AUTS2: variants seen among roughly 807,000 people sequenced by gnomAD.
AUTS2 encodes autism susceptibility gene 2 protein.
A neutral mutation model predicts 112.4 loss-of-function variants in AUTS2; 17 were observed. That is an observed-to-expected ratio of 0.15 (90% CI 0.10 to 0.23). The LOEUF is 0.23. AUTS2 is among the 10% of genes least tolerant of loss of function. AUTS2 has a pLI of 1.00. For synonymous variants in AUTS2, 751 were observed against 702.7 expected (o/e 1.07, Z -1.09); for missense variants, 1,510 against 1,701.6 (o/e 0.89, Z 1.98).
chr7:70,614,545 G>A (rs941029922), intron 5 of AUTS2, among the ~76,000 whole-genome samples: 5 of 152,148 alleles, frequency 3.3e-5, no homozygotes, highest in Non-Finnish European at 4.4e-5. Flanking sequence ...TCCTTCCTGC[G>A]GCAGGGATTG....
intron 4 of AUTS2, among the ~76,000 whole-genome samples, chr7:70,184,588 A>G (rs1466984436): frequency 2.0e-5 from 3 of 152,240 alleles, no homozygotes; most frequent in Admixed American, 1.3e-4. Context: ...AATAAATGAA[A>G]TGAGATCTTA....
chr7:69,987,802 T>G (rs1247916469), intron 2 of AUTS2, among the ~76,000 whole-genome samples: 1 of 152,216 alleles, frequency 6.6e-6, no homozygotes, highest in Non-Finnish European at 1.5e-5. Flanking sequence ...ACGTCATGAC[T>G]ATTTTGACTA....
intron 4 of AUTS2, among the ~76,000 whole-genome samples, chr7:70,302,711 G>T (rs536686531): frequency 6.6e-6 from 1 of 151,844 alleles, no homozygotes; most frequent in South Asian, 2.1e-4. Context: ...AGAGACTTTG[G>T]TTAAGGACAC....
At chr7:70,063,039 G>T (rs1802324960) in intron 2 of AUTS2, among the ~76,000 whole-genome samples, 1 of 152,170 alleles carries the variant, frequency 6.6e-6, no homozygotes, top group Non-Finnish European at 1.5e-5. Flanking sequence ...CCTTGTTTGT[G>T]TATGAGAGTC....
At chr7:69,793,863 C>T (rs1789726845) in intron 1 of AUTS2, among the ~76,000 whole-genome samples, 1 of 152,130 alleles carries the variant, frequency 6.6e-6, no homozygotes, top group South Asian at 2.1e-4. Context: ...AATAGGCTGT[C>T]ATTCAGATGG....
intron 1 of AUTS2, among the ~76,000 whole-genome samples, chr7:69,892,078 G>A (rs1237565670): frequency 6.6e-6 from 1 of 150,620 alleles, no homozygotes; most frequent in Non-Finnish European, 1.5e-5. Flanking sequence ...GGCATGAGCT[G>A]CCACACCTGG....
chr7:70,076,178 CT>C (rs1196865516), intron 2 of AUTS2, among the ~76,000 whole-genome samples: 1 of 152,024 alleles, frequency 6.6e-6, no homozygotes, highest in Non-Finnish European at 1.5e-5. Flanking sequence ...AATACTTTCT[CT>C]TTTTTTGGCG....
At chr7:70,332,990 G>A (rs563959584) in intron 4 of AUTS2, among the ~76,000 whole-genome samples, 20 of 152,270 alleles carry the variant, frequency 1.3e-4, no homozygotes, top group Admixed American at 3.3e-4. Context: ...AAGAGCTTCC[G>A]CACAGCAAAA....
At chr7:69,865,584 A>G (rs890037340) in intron 1 of AUTS2, among the ~76,000 whole-genome samples, 1 of 152,194 alleles carries the variant, frequency 6.6e-6, no homozygotes, top group Admixed American at 6.5e-5. Flanking sequence ...TTAAGGGTTA[A>G]TAGTTCTGTC....
At position 69,696,055 on chromosome 7, in the gene AUTS2, C is replaced by T. The variant is rs73436199; in HGVS notation, c.309+96093C>T. ...TGCCCCTTTAATATCTGAATATATT[C>T]GTGGCTAGTGAAGCACATGCATCTG... On this transcript the variant is annotated intron_variant, in intron 1 of 18. Transcript: ENST00000342771. Among the ~76,000 whole-genome samples the T allele has an allele frequency of 5.1e-3, 779 of 152,272 alleles. 8 individuals are homozygous for T. The highest frequency in any genetic ancestry group is 0.018 in the African/African-American group (733 of 41,566).
intron 2 of AUTS2, among the ~76,000 whole-genome samples, chr7:69,999,678 A>T (rs1799099262): frequency 6.6e-6 from 1 of 152,216 alleles, no homozygotes; most frequent in South Asian, 2.1e-4. Context: ...AGTGACAACA[A>T]CAAAAAAGCC....
chr7:70,328,984 G>T (rs1358164548), intron 4 of AUTS2, among the ~76,000 whole-genome samples: 1 of 152,012 alleles, frequency 6.6e-6, no homozygotes, highest in East Asian at 1.9e-4. Flanking sequence ...GTAAACCTCT[G>T]ATCTGTGTTC....
intron 12 of AUTS2, 185 bp from the exon 13 acceptor site, chr7:70,775,172 G>T: frequency 1.7e-6 from 1 of 602,624 alleles, no homozygotes. Context: ...TTGTGAAGTG[G>T]GGGAGGGGAC....
At chr7:70,768,124 T>C (rs1790053383) in intron 10 of AUTS2, 56 bp downstream of exon 10, 6 of 1,519,280 alleles carry the variant, frequency 3.9e-6, no homozygotes, top group Non-Finnish European at 5.4e-6. Context: ...ATTTTTGTGC[T>C]CTTGCCACAG....
chr7:70,485,081 T>G (rs1267293898), intron 5 of AUTS2, among the ~76,000 whole-genome samples: 3 of 152,344 alleles, frequency 2.0e-5, no homozygotes, highest in East Asian at 3.9e-4. Flanking sequence ...TGGAGATTCC[T>G]TAAAGAACTA....
At chr7:69,733,212 G>C (rs2129234212) in intron 1 of AUTS2, among the ~76,000 whole-genome samples, 1 of 152,284 alleles carries the variant, frequency 6.6e-6, no homozygotes, top group South Asian at 2.1e-4. Flanking sequence ...CACTGTCAGT[G>C]GCTGGGACCC....
At chr7:70,650,396 G>A (rs559043172) in intron 5 of AUTS2, among the ~76,000 whole-genome samples, 1 of 152,296 alleles carries the variant, frequency 6.6e-6, no homozygotes, top group South Asian at 2.1e-4. Context: ...GTGAACTTGA[G>A]GGCTCTTGCC....
At chr7:69,848,457 A>G (rs1479749897) in intron 1 of AUTS2, among the ~76,000 whole-genome samples, 3 of 152,152 alleles carry the variant, frequency 2.0e-5, no homozygotes, top group African/African-American at 7.2e-5. Context: ...GTTCTCTTTA[A>G]AGGGTTTTGA....
At chr7:70,306,585 A>G (rs1351911731) in intron 4 of AUTS2, among the ~76,000 whole-genome samples, 1 of 152,232 alleles carries the variant, frequency 6.6e-6, no homozygotes, top group South Asian at 2.1e-4. Flanking sequence ...GAATAGAGAA[A>G]CATTTGCCTA....
Sources: allele counts gnomAD v4.1 joint callset (sites outside exome capture counted in the v4.1 genomes callset), GRCh38; gene constraint gnomAD v4.1.1; transcripts MANE v1.5; gene names NCBI Gene and HGNC (gene_info 2026-07-23, HGNC 2026-07-21).